The following ADGRL2 variants were observed in gnomAD, a reference collection of about 807,000 sequenced individuals.
The protein encoded by ADGRL2 is calcium-independent alpha-latrotoxin receptor 2.
ADGRL2 carries 44 observed loss-of-function variants against 157.4 expected under a neutral mutation model. The ratio of observed to expected loss-of-function variants is 0.28; its 90% CI spans 0.22 to 0.36. ADGRL2 has a LOEUF of 0.36. Ranked by LOEUF, ADGRL2 falls within the 10% of genes least tolerant of loss-of-function variation. The pLI, the probability that ADGRL2 is intolerant of heterozygous loss-of-function variation, is 1.00. For missense variants in ADGRL2, 1,510 were observed against 1,768.9 expected, an observed-to-expected ratio of 0.85 and a Z score of 2.63; for synonymous variants, 585 against 624.7, an observed-to-expected ratio of 0.94 and a Z score of 0.95.
At chr1:81,810,095 G>A (rs1294392617) in intron 1 of ADGRL2, among the ~76,000 whole-genome samples, 1 of 151,898 alleles carries the variant, frequency 6.6e-6, no homozygotes, top group Non-Finnish European at 1.5e-5. Flanking sequence ...TTCTCTTGAA[G>A]ATGATAGTAA....
At chr1:81,724,211 A>G (rs1570966948) in intron 1 of ADGRL2, among the ~76,000 whole-genome samples, 1 of 152,206 alleles carries the variant, frequency 6.6e-6, no homozygotes, top group Middle Eastern at 3.4e-3. Context: ...ATGCTTACTT[A>G]TGTGTTAGAC....
intron 2 of ADGRL2, among the ~76,000 whole-genome samples, chr1:81,842,836 A>G (rs1003427161): frequency 1.3e-5 from 2 of 152,180 alleles, no homozygotes; most frequent in African/African-American, 4.8e-5. Context: ...GAGAATAACT[A>G]CATGGCCAAT....
At chr1:81,590,486 C>A (rs2081111668) in intron 3 of ADGRL2, among the ~76,000 whole-genome samples, 1 of 151,964 alleles carries the variant, frequency 6.6e-6, no homozygotes, top group South Asian at 2.1e-4. Context: ...TCCCTGTGGC[C>A]CCTGTTAATC....
chr1:81,905,978 G>C (rs1324501870), intron 2 of ADGRL2, among the ~76,000 whole-genome samples: 1 of 151,096 alleles, frequency 6.6e-6, no homozygotes, highest in African/African-American at 2.4e-5. Flanking sequence ...GTGTGTGTGT[G>C]TGTGTGTGTA....
chr1:81,794,733 G>A (rs1052845997), intron 2 of ADGRL2, among the ~76,000 whole-genome samples: 1 of 152,112 alleles, frequency 6.6e-6, no homozygotes, highest in Non-Finnish European at 1.5e-5. Flanking sequence ...CTAAGTGATT[G>A]ATTTCATACT....
At chr1:81,824,777 G>A (rs1451823964) in intron 1 of ADGRL2, among the ~76,000 whole-genome samples, 1 of 152,106 alleles carries the variant, frequency 6.6e-6, no homozygotes, top group Non-Finnish European at 1.5e-5. Flanking sequence ...AAGTTTATTA[G>A]GTGGAGGGGA....
At chr1:81,519,053 C>T (rs928838233) in intron 2 of ADGRL2, among the ~76,000 whole-genome samples, 15 of 152,126 alleles carry the variant, frequency 9.9e-5, no homozygotes, top group Admixed American at 9.8e-4. Flanking sequence ...TTATTAGGCC[C>T]ATTTTACAGA....
At chr1:81,458,514 T>C (rs1318081219) in intron 2 of ADGRL2, among the ~76,000 whole-genome samples, 1 of 152,154 alleles carries the variant, frequency 6.6e-6, no homozygotes, top group African/African-American at 2.4e-5. Flanking sequence ...TGCAGCCACA[T>C]GACCTCTGCC....
intron 1 of ADGRL2, among the ~76,000 whole-genome samples, chr1:81,403,339 G>A (rs576255463): frequency 4.6e-5 from 7 of 151,802 alleles, no homozygotes; most frequent in Non-Finnish European, 7.4e-5. Flanking sequence ...ATCTCAGCTC[G>A]CTGCAACCTC....
rs76849999 is a variant in ADGRL2, at chr1:81,428,768, C to T, written c.-301-16268C>T. Among the ~76,000 whole-genome samples, 453 of 152,030 alleles carry T rather than the reference C, an allele frequency of 3.0e-3. 3 individuals are homozygous for T. Among genetic ancestry groups the T allele is most frequent in the African/African-American group, 0.01 (435 of 41,444 alleles). ...TTGATGAGATTATAAGGAGGTGGCCCGAGACAACTACATTTCTTCTGGAGA... is the reference window on the plus strand; with the variant it reads ...TTGATGAGATTATAAGGAGGTGGCCTGAGACAACTACATTTCTTCTGGAGA... On this transcript the variant is annotated intron_variant, in intron 1 of 24. Transcript: ENST00000370721.
At chr1:81,921,881 G>C (rs2094988293) in intron 3 of ADGRL2, among the ~76,000 whole-genome samples, 1 of 143,152 alleles carries the variant, frequency 7.0e-6, no homozygotes, top group Admixed American at 7.3e-5. Context: ...TGATTAGTGG[G>C]TTCTGAGATA....
chr1:81,824,088 T>G (rs2091248710), intron 1 of ADGRL2, among the ~76,000 whole-genome samples: 3 of 152,296 alleles, frequency 2.0e-5, no homozygotes, highest in Admixed American at 2.0e-4. Context: ...TTAATTACAT[T>G]ACATAAATTC....
At chr1:81,439,509 G>A (rs575743474) in intron 1 of ADGRL2, among the ~76,000 whole-genome samples, 6 of 152,346 alleles carry the variant, frequency 3.9e-5, no homozygotes, top group African/African-American at 1.4e-4. Flanking sequence ...AGGCATGCCA[G>A]GGTCAATCCC....
chr1:81,981,062 A>G (rs1221580305), intron 18 of ADGRL2: 2 of 427,842 alleles, frequency 4.7e-6, no homozygotes, highest in Non-Finnish European at 8.8e-6. Flanking sequence ...CTTTCTTATT[A>G]CTTTCTATTT....
At chr1:81,553,164 A>T (rs1216623791) in intron 2 of ADGRL2, among the ~76,000 whole-genome samples, 12 of 152,180 alleles carry the variant, frequency 7.9e-5, no homozygotes, top group South Asian at 4.1e-4. Context: ...ACACATAAAA[A>T]TTTTCAGTAT....
chr1:81,786,776 G>A (rs911559542), intron 2 of ADGRL2, among the ~76,000 whole-genome samples: 10 of 152,028 alleles, frequency 6.6e-5, no homozygotes, highest in East Asian at 1.9e-4. Context: ...TGTGTTTGGC[G>A]GTTTCTGCTA....
At chr1:81,979,043 G>A (rs1420360108) in intron 17 of ADGRL2, among the ~76,000 whole-genome samples, 1 of 151,650 alleles carries the variant, frequency 6.6e-6, no homozygotes, top group Non-Finnish European at 1.5e-5. Context: ...CATTCTGCCA[G>A]GTGTCTGTAG....
intron 2 of ADGRL2, among the ~76,000 whole-genome samples, chr1:81,857,980 G>C (rs2093262825): frequency 6.6e-6 from 1 of 151,880 alleles, no homozygotes. Flanking sequence ...GAAAATGTAT[G>C]GGAATGTATT....
At chr1:81,964,575 G>T (rs2149260488) in intron 11 of ADGRL2, among the ~76,000 whole-genome samples, 1 of 152,084 alleles carries the variant, frequency 6.6e-6, no homozygotes, top group South Asian at 2.1e-4. Context: ...AAAAATGTAT[G>T]AATGTTATTA....
Sources: gnomAD v4.1 joint callset for allele counts (sites outside exome capture counted in the v4.1 genomes callset) on GRCh38, gnomAD v4.1.1 for gene constraint, MANE v1.5 for transcripts, NCBI Gene and HGNC (gene_info 2026-07-23, HGNC 2026-07-21) for gene names.